DNAJC13: variants seen among roughly 807,000 people sequenced by gnomAD.
DNAJC13 encodes DnaJ heat shock protein family (Hsp40) member C13, also known as dnaJ homolog subfamily C member 13.
In DNAJC13, 75 loss-of-function variants were observed where a neutral mutation model predicts 290.5. The observed-to-expected ratio is 0.26, with a 90% CI of 0.21 to 0.31. The LOEUF (loss-of-function observed/expected upper bound fraction) is 0.31, where lower values mean the gene tolerates loss of function less well. Among genes scored for constraint, DNAJC13 ranks in the 10% least tolerant of loss-of-function variants. The pLI, the probability that DNAJC13 is intolerant of heterozygous loss-of-function variation, is 1.00. For missense variants in DNAJC13, 2,260 were observed against 2,674.5 expected (o/e 0.85, Z 3.42); for synonymous variants, 862 against 892.0 (o/e 0.97, Z 0.60).
rs1447822397 is a variant in DNAJC13, at chr3:132,495,142, C to T, written c.3996C>T (p.His1332=). The T allele has an allele frequency of 6.2e-7, 1 of 1,613,436 alleles. No individual in the cohort carries two copies. The highest frequency in any genetic ancestry group is 1.7e-5 in the Admixed American group (1 of 59,994). The change falls in exon 35 of 56, where the codon CAC becomes CAT. Residue 1332 remains histidine, a synonymous_variant. Coordinates refer to ENST00000260818, the MANE Select transcript of DNAJC13 (RefSeq NM_015268.4). ...KAYFRLAQKY[H]PDKNPEGRDM... is the part of the protein sequence containing the mutation. ...ACTTCAGACTTGCACAAAAGTACCA[C>T]CCTGATAAGAATCCAGAAGGGAGGG...
At chr3:132,504,119 G>T (rs2107722916) in intron 41 of DNAJC13, among the ~76,000 whole-genome samples, 1 of 152,212 alleles carries the variant, frequency 6.6e-6, no homozygotes, top group South Asian at 2.1e-4. Context: ...ATTATAGGCA[G>T]TTTTTCTTTT....
chr3:132,525,864 T>C (rs2107748024), intron 52 of DNAJC13, 75 bp downstream of exon 52: 1 of 1,463,082 alleles, frequency 6.8e-7, no homozygotes, highest in Non-Finnish European at 9.2e-7. Flanking sequence ...ATATAAGTTG[T>C]AGTATTATAT....
At chr3:132,433,260 C>G (rs1440480930) in intron 1 of DNAJC13, among the ~76,000 whole-genome samples, 1 of 152,164 alleles carries the variant, frequency 6.6e-6, no homozygotes, top group Admixed American at 6.5e-5. Context: ...GAAACAGAAT[C>G]TCACTCTATC....
rs1017869201 is a variant in DNAJC13, at chr3:132,451,111, A to G, written c.537+264A>G. ...GCTTAGTACGGTAAACAGTGACTACAGTTGTTATTTTCATTGGTATTACTG... is the reference window on the plus strand; with the variant it reads ...GCTTAGTACGGTAAACAGTGACTACGGTTGTTATTTTCATTGGTATTACTG... On this transcript the variant is annotated intron_variant, in intron 6 of 55. Coordinates refer to ENST00000260818, the MANE Select transcript of DNAJC13 (RefSeq NM_015268.4). 2.6e-5 allele frequency among the ~76,000 whole-genome samples: 4 copies of G among 152,272 alleles called. No individual in the cohort carries two copies. The East Asian group carries it at 5.8e-4, about 22-fold the overall frequency.
chr3:132,531,613 C>T (rs529128913), intron 55 of DNAJC13, among the ~76,000 whole-genome samples: 1 of 152,144 alleles, frequency 6.6e-6, no homozygotes, highest in African/African-American at 2.4e-5. Context: ...CTGTCTAACA[C>T]AGTGAAACCC....
At chr3:132,430,690 T>C (rs1032321268) in intron 1 of DNAJC13, among the ~76,000 whole-genome samples, 1 of 152,184 alleles carries the variant, frequency 6.6e-6, no homozygotes, top group Non-Finnish European at 1.5e-5. Flanking sequence ...TCTTCAGTTA[T>C]ATAGGGGAAA....
chr3:132,497,117 T>C (rs1228624580), intron 36 of DNAJC13, among the ~76,000 whole-genome samples: 1 of 152,256 alleles, frequency 6.6e-6, no homozygotes, highest in Non-Finnish European at 1.5e-5. Context: ...AATGATGATA[T>C]ACTTCTCATA....
chr3:132,523,949 C>A, intron 51 of DNAJC13: 1 of 391,700 alleles, frequency 2.6e-6, no homozygotes, highest in Non-Finnish European at 4.5e-6. Context: ...TGAGAGGATG[C>A]TATTTCTAAC....
chr3:132,453,793 T>C (rs1004381480), intron 8 of DNAJC13, 99 bp downstream of exon 8: 1 of 992,960 alleles, frequency 1.0e-6, no homozygotes, highest in Non-Finnish European at 1.5e-6. Flanking sequence ...CTAAAGAATA[T>C]GGAATGGACA....
chr3:132,482,305 G>T lies in DNAJC13; in HGVS notation c.2954G>T (p.Arg985Met), dbSNP rs755768939. Reference sequence around the variant, plus strand: ...TATTTTGGCAACGCAGACAAAGAAAGGAGTGGCCCGTATGGATTTCATGAG... The same window carrying T: ...TATTTTGGCAACGCAGACAAAGAAATGAGTGGCCCGTATGGATTTCATGAG... ...EWYFGNADKE[R>M]SGPYGFHEMQ... The change falls in exon 27 of 56, where the codon AGG becomes ATG. Residue 985 changes from arginine (R) to methionine (M), a missense_variant. Arg to Met is a moderately conservative substitution (Grantham distance 91). Transcript: ENST00000260818. 6.2e-7 allele frequency: 1 copy of T among 1,613,812 alleles called. No homozygotes were observed. The highest frequency in any genetic ancestry group is 2.2e-5 in the East Asian group (1 of 44,858).
At chr3:132,499,084 A>G (rs766368603) in intron 36 of DNAJC13, 42 bp from the exon 37 acceptor site, 5 of 1,486,346 alleles carry the variant, frequency 3.4e-6, no homozygotes, top group Non-Finnish European at 1.8e-6. Flanking sequence ...AACATAATCA[A>G]TTTTGTTTTG....
At position 132,466,054 on chromosome 3, in the gene DNAJC13, T is replaced by G. The variant is rs1370206100; in HGVS notation, c.1952T>G (p.Leu651Trp). The G allele has an allele frequency of 1.2e-6, 2 of 1,613,844 alleles. No homozygotes were observed. Among genetic ancestry groups the G allele is most frequent in the African/African-American group, 1.3e-5 (1 of 74,936 alleles). The change falls in exon 18 of 56, where the codon TTG becomes TGG. Residue 651 changes from leucine to tryptophan, a missense_variant. Transcript: ENST00000260818. ...GCTGATAATGCAACTGCAACAAACT[T>G]GTTGAAACGCATTTTGGTAAGTCAG... ...WTADNATATN[L>W]LKRILPPGLL...
At chr3:132,482,126 T>A in intron 26 of DNAJC13, 100 bp from the exon 27 acceptor site, 1 of 870,118 alleles carries the variant, frequency 1.1e-6, no homozygotes, top group South Asian at 1.8e-5. Context: ...TTTAAAGGGA[T>A]ATAAACCCCT....
intron 46 of DNAJC13, among the ~76,000 whole-genome samples, chr3:132,516,201 C>G (rs1180207539): frequency 6.6e-6 from 1 of 152,166 alleles, no homozygotes; most frequent in African/African-American, 2.4e-5. Context: ...CAAAACTCAA[C>G]TATACCACTT....
chr3:132,464,846 A>G (rs895921584), intron 17 of DNAJC13, among the ~76,000 whole-genome samples: 4 of 152,170 alleles, frequency 2.6e-5, no homozygotes, highest in Admixed American at 6.5e-5. Context: ...TAAATTCCCT[A>G]CTGTGATCAA....
intron 39 of DNAJC13, 26 bp downstream of exon 39, chr3:132,500,939 A>G (rs1489501117): frequency 3.1e-6 from 5 of 1,609,878 alleles, no homozygotes; most frequent in African/African-American, 1.3e-5. Context: ...AATGCTTTCT[A>G]GATACAGACA....
intron 20 of DNAJC13, among the ~76,000 whole-genome samples, chr3:132,469,425 T>C (rs1263526825): frequency 6.6e-6 from 1 of 152,224 alleles, no homozygotes; most frequent in African/African-American, 2.4e-5. Context: ...ATAAGGTTGC[T>C]TTTTCTTTGT....
intron 20 of DNAJC13, 85 bp from the exon 21 acceptor site, chr3:132,473,060 C>A: frequency 2.4e-6 from 2 of 840,104 alleles, no homozygotes; most frequent in Non-Finnish European, 3.8e-6. Flanking sequence ...AGAAATGTTT[C>A]TCATCACGTA....
intron 44 of DNAJC13, 53 bp downstream of exon 44, chr3:132,511,297 A>G: frequency 6.4e-7 from 1 of 1,563,406 alleles, no homozygotes; most frequent in South Asian, 1.2e-5. Flanking sequence ...GGAGCCCTAA[A>G]AATTCCAATA....
Sources: gnomAD v4.1 joint callset for allele counts (sites outside exome capture counted in the v4.1 genomes callset) on GRCh38, gnomAD v4.1.1 for gene constraint, MANE v1.5 for transcripts, NCBI Gene and HGNC (gene_info 2026-07-23, HGNC 2026-07-21) for gene names.